The following IRAG2 variants were observed in gnomAD, a reference collection of about 807,000 sequenced individuals.
IRAG2 encodes the protein inositol 1,4,5-triphosphate receptor associated 2.
In IRAG2, 45 loss-of-function variants were observed where a neutral mutation model predicts 69.9. That is an observed-to-expected ratio of 0.64 (90% CI 0.51 to 0.83). The LOEUF (loss-of-function observed/expected upper bound fraction) is 0.83. IRAG2 is among the 40% of genes least tolerant of loss of function. The pLI is 0.00. For missense variants in IRAG2, 520 were observed against 587.0 expected (o/e 0.89, Z 1.18); for synonymous variants, 193 against 202.4 (o/e 0.95, Z 0.40).
chr12:24,997,769 G>A, the IRAG2 span, among the ~76,000 whole-genome samples: 1 of 152,092 alleles, frequency 6.6e-6, no homozygotes, highest in Non-Finnish European at 1.5e-5. Flanking sequence ...GTGGCAAAAG[G>A]GACAAACCTC....
At chr12:25,036,638 A>T (rs1944704397) in exon 15 of IRAG2, 3 of 398,952 alleles carry the variant, frequency 7.5e-6, no homozygotes, top group Non-Finnish European at 1.3e-5. Flanking sequence ...GACGGTGGGT[A>T]ACTAATCCAG....
At chr12:25,052,590 A>G, upstream of IRAG2, 1 of 397,418 alleles carries the variant, frequency 2.5e-6, no homozygotes, top group Non-Finnish European at 4.4e-6. Flanking sequence ...GCAACTTGAC[A>G]TATCAGGACT....
In IRAG2 at chr12:25,014,632, C is replaced by T. The variant is rs148231027; in HGVS notation, c.897-550C>T. Reference sequence around the variant, plus strand: ...TACACAGCCTGTACAGAGGGTTTCCCAGATTCCAGAAGTAAAATGCCCAAA... The same window carrying T: ...TACACAGCCTGTACAGAGGGTTTCCTAGATTCCAGAAGTAAAATGCCCAAA... On this transcript the variant is annotated intron_variant, in intron 3 of 38. Coordinates refer to the IRAG2 transcript ENST00000636465. Among the ~76,000 whole-genome samples, 4 of 152,132 alleles carry T rather than the reference C, an allele frequency of 2.6e-5. No individual in the cohort carries two copies. The East Asian group carries it at 7.7e-4, about 29-fold the overall frequency.
chr12:25,015,195 CAT>C lies in IRAG2; in HGVS notation c.912_913del (p.His304GlnfsTer8), dbSNP rs1944516722. On this transcript the variant is annotated frameshift_variant, in exon 4 of 39. Transcript: ENST00000636465. LOFTEE classifies it high-confidence loss of function. Reference sequence around the variant, plus strand: ...TTTTGGCTACAGGGAAGGAGTGAATCATAGATTAAGCAGCATCATCGATGATT... The same window carrying C: ...TTTTGGCTACAGGGAAGGAGTGAATCAGATTAAGCAGCATCATCGATGATT... 1 of 914,848 alleles carries C rather than the reference CAT, an allele frequency of 1.1e-6. No homozygotes were observed. Among genetic ancestry groups the C allele is most frequent in the Admixed American group, 7.2e-5 (1 of 13,822 alleles). 56.7% of individuals were successfully genotyped at this position (914,848 alleles called of 1,614,324 possible).
intron 1 of IRAG2, among the ~76,000 whole-genome samples, chr12:25,054,224 C>T (rs1945075604): frequency 6.6e-6 from 1 of 152,132 alleles, no homozygotes. Context: ...ATTACACAGT[C>T]TGTGTGTTAT....
In IRAG2 at chr12:25,077,374, T is replaced by TATATATGATATATATATGAA. The variant is rs1565563657; in HGVS notation, c.25-1864_25-1863insGATATATATATGAAATATAT. On this transcript the variant is annotated intron_variant, in intron 6 of 21. Coordinates refer to ENST00000556887, the MANE Select transcript of IRAG2 (RefSeq NM_001366544.2). ...TATGATATATATGATATATATGAAA[T>TATATATGATATATATATGAA]ATATATATGATATATATATGAAATA... Among the ~76,000 whole-genome samples the TATATATGATATATATATGAA allele has an allele frequency of 4.4e-3, 269 of 61,646 alleles. 28 individuals are homozygous for TATATATGATATATATATGAA. Among genetic ancestry groups the TATATATGATATATATATGAA allele is most frequent in the African/African-American group, 0.014 (220 of 16,214 alleles). 40.4% of individuals were successfully genotyped at this position (61,646 alleles called of 152,430 possible).
At chr12:25,038,349 T>C (rs1453690582) in intron 16 of IRAG2, among the ~76,000 whole-genome samples, 1 of 152,052 alleles carries the variant, frequency 6.6e-6, no homozygotes, top group Non-Finnish European at 1.5e-5. Context: ...AACTATAAAA[T>C]CTGTGGAAAC....
At chr12:25,032,869 T>C (rs1381725463) in intron 12 of IRAG2, among the ~76,000 whole-genome samples, 1 of 152,086 alleles carries the variant, frequency 6.6e-6, no homozygotes, top group African/African-American at 2.4e-5. Context: ...ATATATGAAA[T>C]AATGGGGGGC....
chr12:25,066,095 T>C (rs1945966404), intron 4 of IRAG2, among the ~76,000 whole-genome samples: 1 of 152,102 alleles, frequency 6.6e-6, no homozygotes, highest in African/African-American at 2.4e-5. Flanking sequence ...AAAAACTTTT[T>C]TGAAATTATT....
At chr12:25,079,891 A>T in intron 9 of IRAG2, 128 bp downstream of exon 9, 1 of 607,918 alleles carries the variant, frequency 1.6e-6, no homozygotes, top group Non-Finnish European at 2.8e-6. Flanking sequence ...TAATTCTTAT[A>T]AAACAATTTT....
intron 6 of IRAG2, among the ~76,000 whole-genome samples, chr12:25,072,612 T>A (rs2140046364): frequency 6.6e-6 from 1 of 152,360 alleles, no homozygotes; most frequent in East Asian, 1.9e-4. Flanking sequence ...TAAATTATTT[T>A]AAAAACATAA....
intron 15 of IRAG2, chr12:25,100,879 C>T (rs2140237045): frequency 4.8e-6 from 1 of 208,000 alleles, no homozygotes; most frequent in East Asian, 1.0e-4. Context: ...CACATACCCA[C>T]CATCAACCTT....
At chr12:25,053,926 T>A (rs796762335) in intron 1 of IRAG2, among the ~76,000 whole-genome samples, 15 of 152,136 alleles carry the variant, frequency 9.9e-5, no homozygotes, top group African/African-American at 3.4e-4. Flanking sequence ...TAAGAAATAG[T>A]CTAGTTTTAA....
At chr12:25,042,429 G>C (rs1451010717) in intron 16 of IRAG2, among the ~76,000 whole-genome samples, 1 of 152,044 alleles carries the variant, frequency 6.6e-6, no homozygotes, top group Non-Finnish European at 1.5e-5. Context: ...AATCTTCAAA[G>C]GTTTATCATC....
At chr12:25,043,235 C>T (rs1407592184) in intron 16 of IRAG2, among the ~76,000 whole-genome samples, 2 of 152,174 alleles carry the variant, frequency 1.3e-5, no homozygotes, top group African/African-American at 4.8e-5. Flanking sequence ...TTATCCCTAG[C>T]TTAGCGCCAC....
chr12:25,086,562 C>G (rs1401315411), intron 10 of IRAG2, among the ~76,000 whole-genome samples: 1 of 152,076 alleles, frequency 6.6e-6, no homozygotes, highest in Admixed American at 6.5e-5. Flanking sequence ...TGAGATTTCC[C>G]AAGGACTGTG....
chr12:25,075,362 G>A (rs1946613090), intron 6 of IRAG2, among the ~76,000 whole-genome samples: 1 of 152,066 alleles, frequency 6.6e-6, no homozygotes, highest in Non-Finnish European at 1.5e-5. Context: ...TTTATTAGTA[G>A]AAGGTTTCTG....
upstream of IRAG2, chr12:25,004,305 T>A (rs561248182): frequency 2.5e-6 from 3 of 1,217,370 alleles, no homozygotes; most frequent in Non-Finnish European, 3.1e-6. Context: ...GCCTATACTT[T>A]AGCCACTTCA....
At chr12:25,025,508 C>A (rs892315887) in intron 8 of IRAG2, among the ~76,000 whole-genome samples, 1 of 150,364 alleles carries the variant, frequency 6.7e-6, no homozygotes, top group Non-Finnish European at 1.5e-5. Context: ...TTTTTTAAAA[C>A]AAAACAAAAC....
Sources: allele counts gnomAD v4.1 joint callset (sites outside exome capture counted in the v4.1 genomes callset), GRCh38; gene constraint gnomAD v4.1.1; transcripts MANE v1.5; gene names NCBI Gene and HGNC (gene_info 2026-07-23, HGNC 2026-07-21).